NCOA7: variants seen among roughly 807,000 people sequenced by gnomAD.
The protein encoded by NCOA7 is nuclear receptor coactivator 7.
NCOA7 carries 45 observed loss-of-function variants against 104.3 expected under a neutral mutation model. That is an observed-to-expected ratio of 0.43 (90% CI 0.34 to 0.55). NCOA7 has a LOEUF of 0.55. Ranked by LOEUF, NCOA7 falls within the 20% of genes least tolerant of loss-of-function variation. NCOA7 has a pLI of 0.02. For synonymous variants in NCOA7, 398 were observed against 402.3 expected (o/e 0.99, Z 0.13); for missense variants, 1,041 against 1,119.7 (o/e 0.93, Z 1.00).
intron 11 of NCOA7, chr6:125,919,386 C>G (rs373285252): frequency 6.2e-7 from 1 of 1,612,674 alleles, no homozygotes; most frequent in African/African-American, 1.3e-5. Context: ...CCTTGGACAT[C>G]CAGATTTTCT....
chr6:125,783,688 C>T (rs753371522), intron 1 of NCOA7, among the ~76,000 whole-genome samples: 2 of 152,182 alleles, frequency 1.3e-5, no homozygotes, highest in Non-Finnish European at 2.9e-5. Context: ...TTGAGCACTT[C>T]TTTACTTTCA....
chr6:125,908,106 A>C (rs1395546171), intron 10 of NCOA7, among the ~76,000 whole-genome samples: 1 of 152,212 alleles, frequency 6.6e-6, no homozygotes, highest in African/African-American at 2.4e-5. Flanking sequence ...TACTACTCAC[A>C]GAAAACCCAG....
intron 13 of NCOA7, among the ~76,000 whole-genome samples, chr6:125,925,052 T>C (rs965989615): frequency 3.9e-5 from 6 of 152,158 alleles, no homozygotes; most frequent in African/African-American, 9.7e-5. Context: ...CTGCTCTCAT[T>C]TCAGCTCACA....
At chr6:125,800,730 T>G (rs9401847) in intron 1 of NCOA7, among the ~76,000 whole-genome samples, 107,242 of 152,188 alleles carry the variant, frequency 0.7, 38,281 homozygotes, top group East Asian at 0.91. Flanking sequence ...ACAATAATTA[T>G]AAAATGACAC....
intron 1 of NCOA7, among the ~76,000 whole-genome samples, chr6:125,801,938 A>C (rs1467927900): frequency 6.6e-6 from 1 of 152,214 alleles, no homozygotes; most frequent in Non-Finnish European, 1.5e-5. Flanking sequence ...ACAGTAAGTA[A>C]TATCAACCAT....
chr6:125,781,218 G>C (rs1272580160), exon 1 of NCOA7: 1 of 152,232 alleles, frequency 6.6e-6, no homozygotes, highest in South Asian at 2.1e-4. Flanking sequence ...CTTTGAAAAT[G>C]TCAGCCGTTA....
chr6:125,798,163 A>G (rs1314319480), intron 1 of NCOA7: 1 of 152,188 alleles, frequency 6.6e-6, no homozygotes, highest in Admixed American at 6.5e-5. Flanking sequence ...CTCTGAGTAT[A>G]TCCTAAGGAA....
intron 3 of NCOA7, among the ~76,000 whole-genome samples, chr6:125,873,720 C>G (rs1161312406): frequency 6.6e-6 from 1 of 152,210 alleles, no homozygotes; most frequent in Non-Finnish European, 1.5e-5. Flanking sequence ...TCTGGAATGA[C>G]TGAACAGTTT....
Position 125,865,212 on chromosome 6 carries a change from A to G in NCOA7, c.272-9677A>G, listed in dbSNP as rs1330179618. Among the ~76,000 whole-genome samples, 2 of 138,890 alleles carry G rather than the reference A, an allele frequency of 1.4e-5. 1 individual carries two copies. Among genetic ancestry groups the G allele is most frequent in the Non-Finnish European group, 3.1e-5 (2 of 65,126 alleles). 91.1% of individuals were successfully genotyped at this position (138,890 alleles called of 152,430 possible). ...GGATTCATACCCTGCCCTCTTTGGC[A>G]CCAAAGCCTGACTTATTTCCACAAA... On this transcript the variant is annotated intron_variant, in intron 3 of 15. Transcript: ENST00000392477.
At chr6:125,784,357 T>C (rs996793956) in intron 1 of NCOA7, among the ~76,000 whole-genome samples, 22 of 152,200 alleles carry the variant, frequency 1.4e-4, no homozygotes, top group African/African-American at 5.3e-4. Context: ...GCAATTATGG[T>C]ATAATAAGAG....
At chr6:125,799,622 A>G (rs1473956019) in intron 1 of NCOA7, among the ~76,000 whole-genome samples, 1 of 151,950 alleles carries the variant, frequency 6.6e-6, no homozygotes, top group East Asian at 1.9e-4. Context: ...TTGTATTTTT[A>G]GTAGAGACGG....
chr6:125,917,163 A>G (rs960728602), intron 11 of NCOA7, among the ~76,000 whole-genome samples: 1 of 152,092 alleles, frequency 6.6e-6, no homozygotes, highest in Admixed American at 6.5e-5. Flanking sequence ...ATTACTAGAG[A>G]CATTAATTCA....
chr6:125,920,968 G>T lies in NCOA7; in HGVS notation c.2270G>T (p.Arg757Leu), dbSNP rs761303393. 2.5e-6 allele frequency: 4 copies of T among 1,613,380 alleles called. No homozygotes were observed. Among genetic ancestry groups the T allele is most frequent in the African/African-American group, 1.3e-5 (1 of 74,896 alleles). The part of the protein sequence containing the change: ...WEIITVEEAK[R>L]RKSTCSYYED... ...ATCATCACTGTTGAAGAGGCAAAGC[G>T]CAGGAAGAGCACATGCAGCTACTAT... Residue 757 changes from arginine (R) to leucine (L), a missense_variant, in exon 12 of 16, where the codon CGC (arginine) becomes CTC (leucine). Around this residue, in one of 2 missense-constraint regions of NCOA7, gnomAD observed 914 missense variants for 942.7 expected, o/e 0.97. Coordinates refer to ENST00000392477, the MANE Select transcript of NCOA7 (RefSeq NM_181782.5).
chr6:125,895,426 G>A (rs1228136613), intron 10 of NCOA7, among the ~76,000 whole-genome samples: 1 of 152,068 alleles, frequency 6.6e-6, no homozygotes, highest in Non-Finnish European at 1.5e-5. Flanking sequence ...GATAACTTTA[G>A]TAACACTTGA....
chr6:125,795,971 A>G (rs1775284797), intron 1 of NCOA7, among the ~76,000 whole-genome samples: 1 of 152,134 alleles, frequency 6.6e-6, no homozygotes, highest in African/African-American at 2.4e-5. Context: ...ACTAATTGCC[A>G]GTTTCTGCAC....
chr6:125,917,878 A>C (rs577873812), intron 11 of NCOA7, among the ~76,000 whole-genome samples: 40 of 152,370 alleles, frequency 2.6e-4, no homozygotes, highest in African/African-American at 9.6e-4. Flanking sequence ...TCAATCATGT[A>C]TGCCTTGTGC....
chr6:125,923,037 T>G (rs1207056508), intron 13 of NCOA7, among the ~76,000 whole-genome samples: 1 of 152,184 alleles, frequency 6.6e-6, no homozygotes, highest in Non-Finnish European at 1.5e-5. Flanking sequence ...CCCCTACATA[T>G]TTCAGGATCA....
intron 3 of NCOA7, among the ~76,000 whole-genome samples, chr6:125,859,767 G>A (rs957886850): frequency 2.0e-5 from 3 of 152,126 alleles, no homozygotes; most frequent in African/African-American, 7.2e-5. Context: ...CCAAAGAAGT[G>A]TATTTCGATA....
rs763347542 is a variant in NCOA7 at position 125,889,291 on chromosome 6, G to A, written c.1237G>A (p.Asp413Asn). The change falls in exon 9 of 16, where the codon GAT becomes AAT. Residue 413 changes from aspartate (D) to asparagine (N), a missense_variant. By Grantham distance (23) the Asp-to-Asn change is conservative. Around this residue, in one of 2 missense-constraint regions of NCOA7, gnomAD observed 914 missense variants for 942.7 expected, o/e 0.97. Transcript: ENST00000392477. ...STAKENFLGEDDDFVDLEELS... is the reference protein window; with the variant it reads ...STAKENFLGENDDFVDLEELS... ...AGCCAAAGAAAACTTTCTAGGGGAA[G>A]ATGATGATTTTGTTGACTTGGAAGA... 1.2e-6 allele frequency: 2 copies of A among 1,614,004 alleles called. No individual in the cohort carries two copies. Among genetic ancestry groups the A allele is most frequent in the Admixed American group, 1.7e-5 (1 of 59,992 alleles).
Sources: gnomAD v4.1 joint callset for allele counts (sites outside exome capture counted in the v4.1 genomes callset) on GRCh38, gnomAD v4.1.1 for gene constraint, gnomAD v4.1.1 regional missense constraint, MANE v1.5 for transcripts, NCBI Gene and HGNC (gene_info 2026-07-23, HGNC 2026-07-21) for gene names.